DLG2: variants seen among roughly 807,000 people sequenced by gnomAD.
DLG2 encodes the protein discs large MAGUK scaffold protein 2, also known as disks large homolog 2.
DLG2 carries 45 observed loss-of-function variants against 132.5 expected under a neutral mutation model. That is an observed-to-expected ratio of 0.34 (90% CI 0.27 to 0.44). The LOEUF is 0.44. Ranked by LOEUF, DLG2 falls within the 20% of genes least tolerant of loss-of-function variation. The pLI is 1.00. For missense variants in DLG2, 1,045 were observed against 1,196.9 expected (o/e 0.87, Z 1.87); for synonymous variants, 424 against 419.6 (o/e 1.01, Z -0.13).
rs191066179 is a variant in DLG2 at position 83,586,480 on chromosome 11, G to T, written c.1941-44622C>A. On this transcript the variant is annotated intron_variant, in intron 19 of 27. Transcript: ENST00000376104. ...GAATAACCCACTTAATGAGGCTGTT[G>T]TGAGGTTGAATGAAATAACTGTGTC... is the stretch of plus-strand genomic sequence containing the variant. 5.3e-5 allele frequency among the ~76,000 whole-genome samples: 8 copies of T among 152,314 alleles called. No individual in the cohort carries two copies. The East Asian group carries it at 1.5e-3, about 29-fold the overall frequency.
At chr11:85,309,823 T>G (rs1203433202) in intron 3 of DLG2, among the ~76,000 whole-genome samples, 1 of 152,182 alleles carries the variant, frequency 6.6e-6, no homozygotes, top group African/African-American at 2.4e-5. Context: ...GCAGGCTGAG[T>G]CTGGTGCCCT....
chr11:84,314,469 C>G (rs1017100712), intron 7 of DLG2, among the ~76,000 whole-genome samples: 1 of 152,038 alleles, frequency 6.6e-6, no homozygotes, highest in Non-Finnish European at 1.5e-5. Context: ...AGTACTAACA[C>G]ATCTCTATAT....
chr11:84,851,643 T>G (rs183348141), intron 6 of DLG2, among the ~76,000 whole-genome samples: 1 of 151,922 alleles, frequency 6.6e-6, no homozygotes, highest in Non-Finnish European at 1.5e-5. Flanking sequence ...TTTTGGGGAG[T>G]TGATGGAGGG....
At chr11:83,901,269 G>T (rs988661873) in intron 15 of DLG2, among the ~76,000 whole-genome samples, 43 of 152,174 alleles carry the variant, frequency 2.8e-4, no homozygotes, top group Non-Finnish European at 3.5e-4. Context: ...AATGAGTTAA[G>T]AATTTGGGGG....
chr11:83,829,406 T>G (rs1595061907), intron 17 of DLG2, among the ~76,000 whole-genome samples: 1 of 151,858 alleles, frequency 6.6e-6, no homozygotes, highest in South Asian at 2.1e-4. Flanking sequence ...CATGTTGGCC[T>G]GGCTGGTCTC....
At chr11:84,235,153 C>T (rs2097142587) in intron 8 of DLG2, among the ~76,000 whole-genome samples, 1 of 152,226 alleles carries the variant, frequency 6.6e-6, no homozygotes, top group South Asian at 2.1e-4. Context: ...CACCTACCAA[C>T]TGAAAGCCCA....
chr11:85,562,800 T>C (rs1260630288), intron 3 of DLG2, among the ~76,000 whole-genome samples: 3 of 151,776 alleles, frequency 2.0e-5, no homozygotes, highest in Non-Finnish European at 4.4e-5. Context: ...AACAGTGAAT[T>C]AGAGGAAGCT....
intron 15 of DLG2, among the ~76,000 whole-genome samples, chr11:83,885,413 A>G (rs1326859560): frequency 1.3e-5 from 2 of 152,226 alleles, no homozygotes; most frequent in Non-Finnish European, 2.9e-5. Context: ...GAATAAAAAG[A>G]AACGAACAAA....
chr11:84,991,290 G>A (rs955931033), intron 6 of DLG2, among the ~76,000 whole-genome samples: 16 of 151,980 alleles, frequency 1.1e-4, no homozygotes, highest in Admixed American at 2.0e-4. Context: ...CGGGAGGATC[G>A]CTTGAGCCCA....
intron 19 of DLG2, among the ~76,000 whole-genome samples, chr11:83,550,537 G>A (rs2096365776): frequency 6.6e-6 from 1 of 152,160 alleles, no homozygotes; most frequent in African/African-American, 2.4e-5. Flanking sequence ...GGAAACAGAG[G>A]CAAATCTGAA....
At chr11:84,291,496 C>T (rs546324378) in intron 7 of DLG2, among the ~76,000 whole-genome samples, 4 of 152,222 alleles carry the variant, frequency 2.6e-5, no homozygotes, top group Non-Finnish European at 5.9e-5. Context: ...AAGTCCTAAT[C>T]TCTAAATTTA....
intron 6 of DLG2, among the ~76,000 whole-genome samples, chr11:84,758,134 T>C (rs910560930): frequency 6.6e-6 from 1 of 152,264 alleles, no homozygotes; most frequent in Non-Finnish European, 1.5e-5. Flanking sequence ...ATTGTCAGTA[T>C]ATTCTTATAA....
At chr11:85,236,337 G>T (rs1269191505) in intron 4 of DLG2, among the ~76,000 whole-genome samples, 2 of 151,958 alleles carry the variant, frequency 1.3e-5, no homozygotes, top group African/African-American at 2.4e-5. Flanking sequence ...TCACAGTTCT[G>T]GAAGCTGTAG....
rs931733113 is a variant in DLG2 at position 85,360,244 on chromosome 11, T to C, written c.41-74879A>G. ...CAATACACTGTAACAACTGAGAATATAGGCTGTAATGTCTGAAAGGCTTCC... is the reference window on the plus strand; with the variant it reads ...CAATACACTGTAACAACTGAGAATACAGGCTGTAATGTCTGAAAGGCTTCC... On this transcript the variant is annotated intron_variant, in intron 3 of 27. Transcript: ENST00000376104. Among the ~76,000 whole-genome samples, 27 of 152,328 alleles carry C rather than the reference T, an allele frequency of 1.8e-4. 1 individual carries two copies. The highest frequency in any genetic ancestry group is 1.5e-3 in the Admixed American group (23 of 15,302).
At chr11:83,526,126 CCT>C (rs2095603682) in intron 21 of DLG2, among the ~76,000 whole-genome samples, 1 of 152,248 alleles carries the variant, frequency 6.6e-6, no homozygotes, top group East Asian at 1.9e-4. Context: ...TGCCCCATCC[CCT>C]CTCTCATAAT....
chr11:85,532,250 T>A (rs1489396645), intron 3 of DLG2, among the ~76,000 whole-genome samples: 1 of 152,208 alleles, frequency 6.6e-6, no homozygotes, highest in Non-Finnish European at 1.5e-5. Flanking sequence ...TAATTATTAT[T>A]TATTCATAAT....
Position 84,133,627 on chromosome 11 carries a change from CCTTCTTCTTCTTCTTCTA to C in DLG2, c.624+29816_624+29833del, listed in dbSNP as rs373458118. 5.3e-5 allele frequency among the ~76,000 whole-genome samples: 8 copies of C among 151,026 alleles called. 1 individual carries two copies. The highest frequency in any genetic ancestry group is 6.8e-3 in the Middle Eastern group (2 of 294). On this transcript the variant is annotated intron_variant, in intron 9 of 27. Transcript: ENST00000376104. ...ATCTCTTGAGAGAGAATAATTTTTT[CCTTCTTCTTCTTCTTCTA>C]CTTCTTCTTCTTCTAAATAGAGACA...
At chr11:83,487,073 A>G (rs2093564071) in intron 21 of DLG2, among the ~76,000 whole-genome samples, 1 of 152,028 alleles carries the variant, frequency 6.6e-6, no homozygotes, top group Non-Finnish European at 1.5e-5. Flanking sequence ...TGTAGAACAC[A>G]TTGTTCTGAA....
chr11:84,608,438 A>G (rs2099589616), intron 6 of DLG2, among the ~76,000 whole-genome samples: 1 of 152,154 alleles, frequency 6.6e-6, no homozygotes, highest in African/African-American at 2.4e-5. Context: ...TGAAGCAGTG[A>G]CTCATGAAAT....
Sources: gnomAD v4.1 joint callset for allele counts (sites outside exome capture counted in the v4.1 genomes callset) on GRCh38, gnomAD v4.1.1 for gene constraint, MANE v1.5 for transcripts, NCBI Gene and HGNC (gene_info 2026-07-23, HGNC 2026-07-21) for gene names.